CELF2: variants seen among roughly 807,000 people sequenced by gnomAD.
CELF2 encodes CUG triplet repeat RNA-binding protein 2.
CELF2 carries 8 observed loss-of-function variants against 62.6 expected under a neutral mutation model. The ratio of observed to expected loss-of-function variants is 0.13; its 90% CI spans 0.07 to 0.23. The LOEUF is 0.23. Ranked by LOEUF, CELF2 falls within the 10% of genes least tolerant of loss-of-function variation. CELF2 has a pLI of 1.00. For synonymous variants in CELF2, 258 were observed against 250.0 expected (o/e 1.03, Z -0.30); for missense variants, 333 against 671.0 (o/e 0.50, Z 5.56).
At position 11,177,618 on chromosome 10, in the gene CELF2, T is replaced by C. The variant is rs1019443307; in HGVS notation, c.271+11936T>C. 6.6e-6 allele frequency among the ~76,000 whole-genome samples: 1 copy of C among 152,170 alleles called. No homozygotes were observed. The highest frequency in any genetic ancestry group is 1.9e-4 in the East Asian group (1 of 5,198). ...GCCTGGTTTCACGTTCCAGACAGCA[T>C]GAAGTACCTCAACAGCAAAGAAGGA... On this transcript the variant is annotated intron_variant, in intron 2 of 12. Transcript: ENST00000633077. The surrounding 1 kb of genome is among the most constrained non-coding windows in gnomAD (Gnocchi z 4.8).
chr10:11,251,292 T>TTC (rs1478655288), intron 4 of CELF2, among the ~76,000 whole-genome samples: 4 of 144,814 alleles, frequency 2.8e-5, no homozygotes, highest in African/African-American at 1.0e-4. Context: ...TTTTTTTTTT[T>TTC]TTTTTGCATT....
At chr10:11,062,699 C>A (rs963907122) in intron 1 of CELF2, among the ~76,000 whole-genome samples, 1 of 152,134 alleles carries the variant, frequency 6.6e-6, no homozygotes, top group Admixed American at 6.5e-5. Context: ...GAGATGGACA[C>A]CTGGTGAAGA....
intron 1 of CELF2, among the ~76,000 whole-genome samples, chr10:10,823,912 G>C (rs1019136585): frequency 5.9e-5 from 9 of 152,108 alleles, no homozygotes; most frequent in Non-Finnish European, 7.4e-5. Context: ...GTGTGTGTAC[G>C]TGTGGATAGA....
At chr10:10,493,639 C>G in the CELF2 span, among the ~76,000 whole-genome samples, 1 of 151,576 alleles carries the variant, frequency 6.6e-6, no homozygotes, top group African/African-American at 2.4e-5. Flanking sequence ...TCAAGCAATT[C>G]TCCCACCTCA....
chr10:10,781,710 G>A, the CELF2 span, among the ~76,000 whole-genome samples: 26 of 152,128 alleles, frequency 1.7e-4, no homozygotes, highest in Non-Finnish European at 3.1e-4. Context: ...AGTAGCCTAG[G>A]TGTGTATTAG....
chr10:11,273,863 A>G (rs886226842), intron 7 of CELF2, among the ~76,000 whole-genome samples: 2 of 152,024 alleles, frequency 1.3e-5, no homozygotes, highest in Non-Finnish European at 2.9e-5. Context: ...CTGAGATTAC[A>G]GGCATGTGCC....
chr10:10,799,100 G>C (rs2054372646), intron 1 of CELF2, among the ~76,000 whole-genome samples: 1 of 152,174 alleles, frequency 6.6e-6, no homozygotes, highest in African/African-American at 2.4e-5. Flanking sequence ...TCGCTGGAAG[G>C]AATCCTCATA....
At chr10:10,664,737 G>A in the CELF2 span, among the ~76,000 whole-genome samples, 10 of 152,288 alleles carry the variant, frequency 6.6e-5, no homozygotes, top group East Asian at 5.8e-4. Flanking sequence ...TGTGTTTGCC[G>A]TTACGGTAGT....
rs12244460 is a variant in CELF2 at position 10,936,314 on chromosome 10, A to G, written c.89+16315A>G. 0.12 allele frequency among the ~76,000 whole-genome samples: 17,804 copies of G among 152,300 alleles called. 3,562 individuals carry two copies. Among genetic ancestry groups the G allele is most frequent in the African/African-American group, 0.41 (16,878 of 41,530 alleles). ...TGTCCAAGATCACAGAGTAATCTGC[A>G]TAATTGTGCAAAAATTCTCATGTTA... On this transcript the variant is annotated intron_variant, in intron 2 of 13. Coordinates refer to the CELF2 transcript ENST00000636488. This position sits in a 1 kb window ranked among gnomAD's most constrained non-coding sequence, Gnocchi z 4.0.
chr10:11,318,656 A>G lies in CELF2; in HGVS notation c.1097-2533A>G. On this transcript the variant is annotated intron_variant, in intron 10 of 12. Coordinates refer to ENST00000633077, the MANE Select transcript of CELF2 (RefSeq NM_001326342.2). The surrounding 1 kb of genome is among the most constrained non-coding windows in gnomAD (Gnocchi z 5.4). Reference sequence around the variant, plus strand: ...TGAAACATCCATCCAGTATTTCAAGAGCAGGAGCTGTGTTCTGCTTCTGCA... The same window carrying G: ...TGAAACATCCATCCAGTATTTCAAGGGCAGGAGCTGTGTTCTGCTTCTGCA... The G allele has an allele frequency of 9.9e-6, 4 of 404,286 alleles. No individual in the cohort carries two copies. Among genetic ancestry groups the G allele is most frequent in the Non-Finnish European group, 2.0e-5 (4 of 195,324 alleles). The allele number at this position is 404,286 out of a possible 1,614,324, so 25.0% of individuals were successfully genotyped here.
the CELF2 span, among the ~76,000 whole-genome samples, chr10:10,650,068 T>A: frequency 6.6e-6 from 1 of 152,196 alleles, no homozygotes; most frequent in Non-Finnish European, 1.5e-5. Flanking sequence ...CAGGAAACGT[T>A]CAGACTATTT....
At chr10:10,647,520 G>A in the CELF2 span, among the ~76,000 whole-genome samples, 1 of 152,170 alleles carries the variant, frequency 6.6e-6, no homozygotes, top group Non-Finnish European at 1.5e-5. Context: ...GCTTAATAAG[G>A]ACTTAGATTA....
the CELF2 span, among the ~76,000 whole-genome samples, chr10:10,627,316 G>T: frequency 6.6e-6 from 1 of 152,268 alleles, no homozygotes; most frequent in Non-Finnish European, 1.5e-5. Flanking sequence ...AATTAAGGTG[G>T]CTATGTTTCA....
At chr10:10,660,250 A>G in the CELF2 span, among the ~76,000 whole-genome samples, 3 of 152,240 alleles carry the variant, frequency 2.0e-5, no homozygotes, top group African/African-American at 7.2e-5. Context: ...AACAATAGCT[A>G]TGTATGATGT....
At chr10:10,467,068 G>A in the CELF2 span, among the ~76,000 whole-genome samples, 151,836 of 152,144 alleles carry the variant, frequency 1, 75,765 homozygotes, top group Middle Eastern at 1. Flanking sequence ...TATACCACCA[G>A]TATACCAACA....
the CELF2 span, among the ~76,000 whole-genome samples, chr10:10,638,654 A>T: frequency 6.6e-6 from 1 of 152,248 alleles, no homozygotes; most frequent in Admixed American, 6.5e-5. Context: ...TTACTAAAGG[A>T]CAGGCTATTC....
chr10:11,111,830 T>C (rs1005413803), intron 1 of CELF2, among the ~76,000 whole-genome samples: 1 of 152,222 alleles, frequency 6.6e-6, no homozygotes, highest in African/African-American at 2.4e-5. Context: ...CAGTAATACG[T>C]CTTAGAAAGA....
intron 3 of CELF2, among the ~76,000 whole-genome samples, chr10:11,245,855 A>G (rs2075432330): frequency 6.6e-6 from 1 of 152,184 alleles, no homozygotes; most frequent in East Asian, 1.9e-4. Context: ...GAAGGCTCAT[A>G]TGGCCAAGTC....
rs2056885053 is a variant in CELF2, at chr10:11,117,842, G to T, written c.75-47644G>T. On this transcript the variant is annotated intron_variant, in intron 1 of 12. Transcript: ENST00000633077. This position sits in a 1 kb window ranked among gnomAD's most constrained non-coding sequence, Gnocchi z 4.1. ...TCTGATCTTGTAAAAGCTAACTCAT[G>T]CATGCACAACATGATAGGCCATGTC... Among the ~76,000 whole-genome samples the T allele has an allele frequency of 6.6e-6, 1 of 152,168 alleles. No individual in the cohort carries two copies. The highest frequency in any genetic ancestry group is 1.5e-5 in the Non-Finnish European group (1 of 68,020).
Sources: allele counts gnomAD v4.1 joint callset (sites outside exome capture counted in the v4.1 genomes callset), GRCh38; gene constraint gnomAD v4.1.1; non-coding constraint Gnocchi (gnomAD v3.1); transcripts MANE v1.5; gene names NCBI Gene and HGNC (gene_info 2026-07-23, HGNC 2026-07-21).